The following SPRED1 variants were observed in gnomAD, a reference collection of about 807,000 sequenced individuals.
SPRED1 encodes sprouty related EVH1 domain containing 1, also known as sprouty-related, EVH1 domain-containing protein 1.
A neutral mutation model predicts 52.3 loss-of-function variants in SPRED1; 18 were observed. The ratio of observed to expected loss-of-function variants is 0.34; its 90% CI spans 0.24 to 0.51. The LOEUF (loss-of-function observed/expected upper bound fraction) is 0.51. SPRED1 is among the 20% of genes least tolerant of loss of function. The probability of loss-of-function intolerance (pLI) is 0.97; values close to 1 mark genes in which losing one functional copy is unlikely to be tolerated. For synonymous variants in SPRED1, 155 were observed against 179.7 expected, an observed-to-expected ratio of 0.86 and a Z score of 1.10; for missense variants, 485 against 551.0, an observed-to-expected ratio of 0.88 and a Z score of 1.20.
At chr15:38,324,878 A>G in intron 4 of SPRED1, 69 bp downstream of exon 4, 1 of 1,236,562 alleles carries the variant, frequency 8.1e-7, no homozygotes, top group Non-Finnish European at 1.2e-6. Context: ...CTTATTCAAT[A>G]AACTTATCAA....
At chr15:38,255,124 CATAA>C (rs1195907777) in intron 1 of SPRED1, among the ~76,000 whole-genome samples, 1 of 151,962 alleles carries the variant, frequency 6.6e-6, no homozygotes, top group African/African-American at 2.4e-5. Flanking sequence ...AAATACTTGC[CATAA>C]ATAAATTGAG....
chr15:38,317,572 A>T (rs1345572455), intron 2 of SPRED1, among the ~76,000 whole-genome samples: 1 of 152,030 alleles, frequency 6.6e-6, no homozygotes, highest in Admixed American at 6.6e-5. Context: ...TGTTACTAAT[A>T]TTACTATTAT....
At chr15:38,291,078 A>G (rs1322719835) in intron 1 of SPRED1, among the ~76,000 whole-genome samples, 3 of 152,212 alleles carry the variant, frequency 2.0e-5, no homozygotes, top group Non-Finnish European at 4.4e-5. Context: ...TCCTAGATAC[A>G]ATGGAGATAC....
At chr15:38,268,768 C>T (rs1894364627) in intron 1 of SPRED1, among the ~76,000 whole-genome samples, 1 of 152,182 alleles carries the variant, frequency 6.6e-6, no homozygotes, top group Admixed American at 6.5e-5. Flanking sequence ...TGTATGGCTT[C>T]AGTCTCTTAA....
chr15:38,287,757 T>C (rs74007140), intron 1 of SPRED1, among the ~76,000 whole-genome samples: 6,311 of 152,266 alleles, frequency 0.041, 445 homozygotes, highest in African/African-American at 0.14. Context: ...AGGATGTCCA[T>C]AGGCTGTATG....
intron 1 of SPRED1, among the ~76,000 whole-genome samples, chr15:38,274,430 T>G (rs1170594113): frequency 1.3e-5 from 2 of 152,248 alleles, no homozygotes; most frequent in East Asian, 1.9e-4. Context: ...TTATCTCATG[T>G]GATTCTCAAA....
chr15:38,347,304 A>T (rs543831671), intron 5 of SPRED1, among the ~76,000 whole-genome samples: 1 of 152,170 alleles, frequency 6.6e-6, no homozygotes, highest in East Asian at 1.9e-4. Flanking sequence ...GCAGTACCAT[A>T]TCTGACACAT....
chr15:38,307,025 A>T (rs1895263656), intron 2 of SPRED1, among the ~76,000 whole-genome samples: 2 of 152,156 alleles, frequency 1.3e-5, no homozygotes, highest in Admixed American at 1.3e-4. Context: ...TTTATTTCAC[A>T]TCCTTTCCAT....
chr15:38,335,153 A>G (rs1240189443), intron 4 of SPRED1, among the ~76,000 whole-genome samples: 1 of 152,052 alleles, frequency 6.6e-6, no homozygotes, highest in Non-Finnish European at 1.5e-5. Flanking sequence ...TTTCCCAGGA[A>G]GAGAGGGCTC....
At chr15:38,277,968 T>C (rs1410230739) in intron 1 of SPRED1, among the ~76,000 whole-genome samples, 1 of 150,184 alleles carries the variant, frequency 6.7e-6, no homozygotes, top group Admixed American at 6.7e-5. Context: ...TATTTGTTTT[T>C]TGCTTGTTAA....
At chr15:38,295,228 A>G (rs905726207) in intron 1 of SPRED1, among the ~76,000 whole-genome samples, 3 of 152,198 alleles carry the variant, frequency 2.0e-5, no homozygotes, top group African/African-American at 7.2e-5. Flanking sequence ...GTGTACCTAC[A>G]CAAACCTAGA....
chr15:38,295,913 A>C (rs1323845650), intron 1 of SPRED1, among the ~76,000 whole-genome samples: 4 of 54,008 alleles, frequency 7.4e-5, no homozygotes, highest in Non-Finnish European at 2.2e-4. Flanking sequence ...TATGGTCACT[A>C]TCTGCCTTCT....
chr15:38,350,418 G>A (rs186773803), intron 6 of SPRED1, among the ~76,000 whole-genome samples: 8 of 152,242 alleles, frequency 5.3e-5, no homozygotes, highest in South Asian at 2.1e-4. Context: ...CCTCTTAAAA[G>A]GCTCTATATC....
intron 1 of SPRED1, among the ~76,000 whole-genome samples, chr15:38,266,072 G>A (rs551511113): frequency 1.3e-5 from 2 of 152,078 alleles, no homozygotes; most frequent in Non-Finnish European, 2.9e-5. Context: ...GCAAAAATAC[G>A]TTTACATTTT....
intron 2 of SPRED1, among the ~76,000 whole-genome samples, chr15:38,317,908 T>C (rs2140991636): frequency 6.6e-6 from 1 of 151,952 alleles, no homozygotes; most frequent in East Asian, 1.9e-4. Flanking sequence ...CTATACATTG[T>C]GTTTAGTATG....
At chr15:38,260,519 A>C (rs1232769492) in intron 1 of SPRED1, among the ~76,000 whole-genome samples, 1 of 151,860 alleles carries the variant, frequency 6.6e-6, no homozygotes, top group Non-Finnish European at 1.5e-5. Context: ...TTTTTTTCTT[A>C]TAGCACAATT....
chr15:38,275,489 TG>T (rs1374638440), intron 1 of SPRED1, among the ~76,000 whole-genome samples: 1 of 152,140 alleles, frequency 6.6e-6, no homozygotes. Flanking sequence ...GGGATGAGGC[TG>T]GTGGTATTAT....
chr15:38,340,211 T>A (rs535023924), intron 5 of SPRED1, among the ~76,000 whole-genome samples: 1 of 152,350 alleles, frequency 6.6e-6, no homozygotes, highest in East Asian at 1.9e-4. Context: ...TTACTATATG[T>A]TTTTATAGAT....
chr15:38,296,170 GT>G (rs1225517630), intron 1 of SPRED1, among the ~76,000 whole-genome samples: 1 of 152,010 alleles, frequency 6.6e-6, no homozygotes, highest in Admixed American at 6.6e-5. Context: ...TTGTCTAGCA[GT>G]TGGGTGGGGT....
Sources: gnomAD v4.1 joint callset for allele counts (sites outside exome capture counted in the v4.1 genomes callset) on GRCh38, gnomAD v4.1.1 for gene constraint, MANE v1.5 for transcripts, NCBI Gene and HGNC (gene_info 2026-07-23, HGNC 2026-07-21) for gene names.